Variants in GMDS observed in about 807,000 individuals in gnomAD.
The protein encoded by GMDS is GDP-mannose 4,6-dehydratase, also known as GDP-mannose 4,6 dehydratase.
Under a neutral mutation model 49.9 loss-of-function variants are expected in GMDS, and 20 were observed. The ratio of observed to expected loss-of-function variants is 0.40; its 90% CI spans 0.28 to 0.58. The LOEUF (loss-of-function observed/expected upper bound fraction) is 0.58. Among genes scored for constraint, GMDS ranks in the 20% least tolerant of loss-of-function variants. The probability of loss-of-function intolerance (pLI) is 0.42; values close to 1 mark genes in which losing one functional copy is unlikely to be tolerated. For missense variants in GMDS, 362 were observed against 481.4 expected (o/e 0.75, Z 2.32); for synonymous variants, 177 against 178.6 (o/e 0.99, Z 0.07).
At chr6:1,715,795 C>T (rs1024236818) in intron 9 of GMDS, among the ~76,000 whole-genome samples, 2 of 152,296 alleles carry the variant, frequency 1.3e-5, no homozygotes, top group Admixed American at 6.5e-5. Context: ...TTCAAACTAC[C>T]ACTATACTTT....
chr6:1,810,713 C>CTCAGCCA (rs1770383837), intron 7 of GMDS, among the ~76,000 whole-genome samples: 1 of 152,102 alleles, frequency 6.6e-6, no homozygotes, highest in Admixed American at 6.5e-5. Flanking sequence ...TAAGGGTTTC[C>CTCAGCCA]TCAGCCAAAG....
rs561195149 is a variant in GMDS, at chr6:2,009,163, T to A, written c.346-48197A>T. Among the ~76,000 whole-genome samples, 4 of 152,330 alleles carry A rather than the reference T, an allele frequency of 2.6e-5. No homozygotes were observed. In the East Asian group the frequency reaches 7.7e-4, roughly 29 times the overall value. On this transcript the variant is annotated intron_variant, in intron 4 of 10. Coordinates refer to ENST00000380815, the MANE Select transcript of GMDS (RefSeq NM_001500.4). Reference sequence around the variant, plus strand: ...TTGGGAACACATTTTAGGCTCTTTGTTCCCAAACTAAACTCAAGATACGAA... The same window carrying A: ...TTGGGAACACATTTTAGGCTCTTTGATCCCAAACTAAACTCAAGATACGAA...
At chr6:1,795,315 T>C (rs226454) in intron 7 of GMDS, among the ~76,000 whole-genome samples, 62,710 of 151,986 alleles carry the variant, frequency 0.41, 13,127 homozygotes, top group African/African-American at 0.47. Flanking sequence ...GAATTCCCAG[T>C]TATATCTAAA....
intron 4 of GMDS, among the ~76,000 whole-genome samples, chr6:2,026,902 A>T (rs570924729): frequency 1.3e-4 from 20 of 152,334 alleles, no homozygotes; most frequent in Non-Finnish European, 2.5e-4. Context: ...TAATTCTGAG[A>T]TGTTACCAAG....
At chr6:1,914,157 T>TA (rs1338689842) in intron 7 of GMDS, among the ~76,000 whole-genome samples, 3 of 144,368 alleles carry the variant, frequency 2.1e-5, no homozygotes, top group East Asian at 2.0e-4. Flanking sequence ...TTTTTTTTTT[T>TA]AATTAAGAGA....
Position 1,849,517 on chromosome 6 carries a change from C to G in GMDS, c.771+80586G>C, listed in dbSNP as rs1480453058. On this transcript the variant is annotated intron_variant, in intron 7 of 10. Coordinates refer to ENST00000380815, the MANE Select transcript of GMDS (RefSeq NM_001500.4). ...TGTTATTTCTTTTTACTCTCCAGACCCAGGAAAGTTTGCTGACTTGCTAAT... is the reference window on the plus strand; with the variant it reads ...TGTTATTTCTTTTTACTCTCCAGACGCAGGAAAGTTTGCTGACTTGCTAAT... Among the ~76,000 whole-genome samples the G allele has an allele frequency of 5.3e-5, 8 of 152,182 alleles. No homozygotes were observed. The East Asian group carries it at 1.5e-3, about 29-fold the overall frequency.
At chr6:1,812,924 TC>T (rs1377533111) in intron 7 of GMDS, among the ~76,000 whole-genome samples, 1 of 152,144 alleles carries the variant, frequency 6.6e-6, no homozygotes, top group African/African-American at 2.4e-5. Flanking sequence ...TCTAGGTGCT[TC>T]TAAAATAAGT....
rs910450652 is a variant in GMDS, at chr6:1,742,142, G to C, written c.890+326C>G. Among the ~76,000 whole-genome samples the C allele has an allele frequency of 5.9e-5, 9 of 151,902 alleles. 1 individual carries two copies. Among genetic ancestry groups the C allele is most frequent in the African/African-American group, 1.9e-4 (8 of 41,360 alleles). Reference sequence around the variant, plus strand: ...TCACCATGTTGGTCAGGCTGGTCTTGAACTCCTGACCTCATGATCCTCCTG... The same window carrying C: ...TCACCATGTTGGTCAGGCTGGTCTTCAACTCCTGACCTCATGATCCTCCTG... On this transcript the variant is annotated intron_variant, in intron 8 of 10. Transcript: ENST00000380815.
chr6:1,646,341 C>A (rs148744839), intron 9 of GMDS, among the ~76,000 whole-genome samples: 1 of 152,154 alleles, frequency 6.6e-6, no homozygotes, highest in Non-Finnish European at 1.5e-5. Context: ...CCACCTAGGG[C>A]TTTTCTGTGA....
At chr6:2,208,822 CTG>C (rs1245663249) in intron 1 of GMDS, among the ~76,000 whole-genome samples, 15 of 150,020 alleles carry the variant, frequency 1.0e-4, no homozygotes, top group African/African-American at 3.7e-4. Context: ...TTATCACTAA[CTG>C]AATTCTAAGG....
At chr6:1,704,056 A>AGTGACAGGCACGAGGAAGAT (rs1765634046) in intron 9 of GMDS, among the ~76,000 whole-genome samples, 1 of 152,188 alleles carries the variant, frequency 6.6e-6, no homozygotes, top group Non-Finnish European at 1.5e-5. Flanking sequence ...TGTCTGCCAC[A>AGTGACAGGCACGAGGAAGAT]GTGACAGGCA....
chr6:1,832,907 C>T (rs1045449783), intron 7 of GMDS, among the ~76,000 whole-genome samples: 10 of 152,256 alleles, frequency 6.6e-5, no homozygotes, highest in Admixed American at 2.0e-4. Flanking sequence ...TATCAGGCTG[C>T]GTCTCTGTGG....
At chr6:1,975,305 T>A (rs572044190) in intron 4 of GMDS, among the ~76,000 whole-genome samples, 1 of 152,254 alleles carries the variant, frequency 6.6e-6, no homozygotes, top group African/African-American at 2.4e-5. Flanking sequence ...ATGGACATAA[T>A]TCACCTAGAC....
chr6:1,751,431 T>C (rs550536478), intron 7 of GMDS, among the ~76,000 whole-genome samples: 1 of 152,322 alleles, frequency 6.6e-6, no homozygotes, highest in Non-Finnish European at 1.5e-5. Context: ...CAAAAAAAAC[T>C]GGGTCTGGAG....
chr6:2,201,040 CAG>C (rs780677928), intron 1 of GMDS, among the ~76,000 whole-genome samples: 120 of 75,492 alleles, frequency 1.6e-3, no homozygotes, highest in Non-Finnish European at 2.4e-3. Context: ...AGGATGAAGA[CAG>C]AGCACCACAT....
rs572768601 is a variant in GMDS, at chr6:1,934,938, G to A, written c.644-4708C>T. On this transcript the variant is annotated intron_variant, in intron 6 of 10. Coordinates refer to ENST00000380815, the MANE Select transcript of GMDS (RefSeq NM_001500.4). ...AAGTAGCCGAGCCGGACCCAGGCCT[G>A]TCTCACTGGCTTTCTAGCCTTGTGC... is the stretch of plus-strand genomic sequence containing the variant. Among the ~76,000 whole-genome samples the A allele has an allele frequency of 1.5e-3, 224 of 152,282 alleles. 1 individual carries two copies. The highest frequency in any genetic ancestry group is 6.8e-3 in the Middle Eastern group (2 of 294).
chr6:1,676,998 C>T (rs1460681263), intron 9 of GMDS, among the ~76,000 whole-genome samples: 1 of 151,784 alleles, frequency 6.6e-6, no homozygotes, highest in Admixed American at 6.6e-5. Flanking sequence ...AGGCAACCCA[C>T]AGAATGGGAG....
intron 4 of GMDS, among the ~76,000 whole-genome samples, chr6:2,036,203 C>CTTAA (rs1002903924): frequency 6.6e-6 from 1 of 152,088 alleles, no homozygotes; most frequent in African/African-American, 2.4e-5. Flanking sequence ...AATCGGGAGA[C>CTTAA]TTAATTAAAT....
chr6:1,624,749 C>G (rs1762795435), intron 9 of GMDS: 1 of 533,354 alleles, frequency 1.9e-6, no homozygotes, highest in Admixed American at 3.6e-5. Context: ...TGTGCGGACC[C>G]GTGAGGACCG....
Sources: gnomAD v4.1 joint callset for allele counts (sites outside exome capture counted in the v4.1 genomes callset) on GRCh38, gnomAD v4.1.1 for gene constraint, MANE v1.5 for transcripts, NCBI Gene and HGNC (gene_info 2026-07-23, HGNC 2026-07-21) for gene names.